Variants in ZNRF3 observed in about 807,000 individuals in gnomAD.
ZNRF3 encodes the protein zinc and ring finger 3.
ZNRF3 carries 23 observed loss-of-function variants against 72.5 expected under a neutral mutation model. The ratio of observed to expected loss-of-function variants is 0.32; its 90% CI spans 0.23 to 0.45. ZNRF3 has a LOEUF of 0.45. Among genes scored for constraint, ZNRF3 ranks in the 20% least tolerant of loss-of-function variants. The probability of loss-of-function intolerance (pLI) is 1.00; values close to 1 mark genes in which losing one functional copy is unlikely to be tolerated. For synonymous variants in ZNRF3, 610 were observed against 545.3 expected (o/e 1.12, Z -1.65); for missense variants, 1,169 against 1,272.1 (o/e 0.92, Z 1.23).
Position 29,030,317 on chromosome 22 carries a change from C to T in ZNRF3, c.427-12178C>T, listed in dbSNP as rs1601687290. Among the ~76,000 whole-genome samples the T allele has an allele frequency of 7.2e-5, 11 of 152,282 alleles. No homozygotes were observed. In the South Asian group the frequency reaches 2.1e-3, roughly 29 times the overall value. Reference sequence around the variant, plus strand: ...AGGGTACCAACCTGTGCAATGGCGCCGCGACCCGGCCGCGGACTCCAGCCT... The same window carrying T: ...AGGGTACCAACCTGTGCAATGGCGCTGCGACCCGGCCGCGGACTCCAGCCT... On this transcript the variant is annotated intron_variant, in intron 2 of 8. Transcript: ENST00000544604. The surrounding 1 kb of genome is among the most constrained non-coding windows in gnomAD (Gnocchi z 4.2).
intron 1 of ZNRF3, among the ~76,000 whole-genome samples, chr22:28,954,990 G>T (rs2035229174): frequency 6.6e-6 from 1 of 150,574 alleles, no homozygotes. Flanking sequence ...AGATATAATG[G>T]CTGATGGCAT....
intron 1 of ZNRF3, among the ~76,000 whole-genome samples, chr22:28,967,356 T>C (rs5762919): frequency 0.1 from 15,236 of 152,196 alleles, 1,171 homozygotes; most frequent in African/African-American, 0.21. Context: ...AGTACGCTAT[T>C]GCATCCAGGT....
rs1186172926 is a variant in ZNRF3, at chr22:29,050,028, C to T, written c.1847C>T (p.Ser616Leu). 5 of 1,609,916 alleles carry T rather than the reference C, an allele frequency of 3.1e-6. No individual in the cohort carries two copies. Among genetic ancestry groups the T allele is most frequent in the East Asian group, 2.2e-5 (1 of 44,844 alleles). Residue 616 changes from serine to leucine, a missense_variant, in exon 8 of 9, where the codon TCG becomes TTG. Coordinates refer to ENST00000544604, the MANE Select transcript of ZNRF3 (RefSeq NM_001206998.2). ...AGTGAGGCGGGGGGCTCGGGCAGCT[C>T]GGGCCGGGGACCTGCCCTGTGCTTC... ...RASEAGGSGS[S>L]GRGPALCFEG... is the part of the protein sequence containing the mutation.
intron 1 of ZNRF3, among the ~76,000 whole-genome samples, chr22:28,927,646 G>A (rs1275338307): frequency 6.6e-6 from 1 of 152,126 alleles, no homozygotes; most frequent in Non-Finnish European, 1.5e-5. Flanking sequence ...CATCATCTTC[G>A]CTGTTGTGAA....
At chr22:28,908,078 T>C (rs576121880) in intron 1 of ZNRF3, among the ~76,000 whole-genome samples, 1 of 152,388 alleles carries the variant, frequency 6.6e-6, no homozygotes, top group African/African-American at 2.4e-5. Flanking sequence ...AGGTCATTTA[T>C]ATTCAACTCT....
At chr22:28,958,113 A>G (rs1387196203) in intron 1 of ZNRF3, among the ~76,000 whole-genome samples, 2 of 152,156 alleles carry the variant, frequency 1.3e-5, no homozygotes, top group Non-Finnish European at 2.9e-5. Flanking sequence ...GCGTGAACCC[A>G]GGAGGCAGAG....
At chr22:29,016,416 C>T (rs917479197) in intron 2 of ZNRF3, among the ~76,000 whole-genome samples, 1 of 123,750 alleles carries the variant, frequency 8.1e-6, no homozygotes, top group African/African-American at 2.7e-5. Flanking sequence ...TTCTAGAACC[C>T]ACTTCCTTTG....
intron 2 of ZNRF3, among the ~76,000 whole-genome samples, chr22:29,000,397 C>G (rs76476843): frequency 0.019 from 2,881 of 152,136 alleles, 89 homozygotes; most frequent in African/African-American, 0.066. Flanking sequence ...TTTTTGTTAA[C>G]CTTGGCTTGA....
chr22:28,999,195 A>ATGG lies in ZNRF3; in HGVS notation c.426+12001_426+12003dup, dbSNP rs761028152. On this transcript the variant is annotated intron_variant, in intron 2 of 8. Transcript: ENST00000544604. ...AAAAAAAAAAAAAAATTAGCCAGGCATGGTGGTGGGTGCCTGTAATCCCAG... is the reference window on the plus strand; with the variant it reads ...AAAAAAAAAAAAAAATTAGCCAGGCATGGTGGTGGTGGGTGCCTGTAATCCCAG... Among the ~76,000 whole-genome samples, 14 of 150,572 alleles carry ATGG rather than the reference A, an allele frequency of 9.3e-5. No homozygotes were observed. In the East Asian group the frequency reaches 2.5e-3, roughly 27 times the overall value.
intron 1 of ZNRF3, among the ~76,000 whole-genome samples, chr22:28,903,728 G>A (rs1014972220): frequency 6.6e-6 from 1 of 152,004 alleles, no homozygotes; most frequent in Non-Finnish European, 1.5e-5. Flanking sequence ...TGTGTTTTTT[G>A]TGTGTTTTCC....
intron 1 of ZNRF3, among the ~76,000 whole-genome samples, chr22:28,919,769 A>T (rs2034476862): frequency 1.3e-5 from 2 of 151,396 alleles, no homozygotes; most frequent in South Asian, 4.2e-4. Flanking sequence ...AGCCTCCCAA[A>T]GTGCTGGGCT....
chr22:28,897,616 G>A (rs1035428001), intron 1 of ZNRF3, among the ~76,000 whole-genome samples: 4 of 151,978 alleles, frequency 2.6e-5, no homozygotes, highest in South Asian at 2.1e-4. Flanking sequence ...CACCGCACCT[G>A]GCCTGTGCCT....
chr22:28,999,918 G>T (rs558399033), intron 2 of ZNRF3, among the ~76,000 whole-genome samples: 1 of 152,318 alleles, frequency 6.6e-6, no homozygotes, highest in South Asian at 2.1e-4. Context: ...GTGAGCCTTG[G>T]TCACAAGACC....
chr22:29,021,198 C>T (rs74815045), intron 2 of ZNRF3, among the ~76,000 whole-genome samples: 6,534 of 151,790 alleles, frequency 0.043, 271 homozygotes, highest in African/African-American at 0.11. Flanking sequence ...TGTGCCATCG[C>T]ACTCCAGCTG....
At chr22:29,040,809 G>C (rs563837637) in intron 2 of ZNRF3, among the ~76,000 whole-genome samples, 2 of 152,348 alleles carry the variant, frequency 1.3e-5, no homozygotes, top group East Asian at 3.9e-4. Flanking sequence ...TTTTGGTACT[G>C]TTTGGTGCTA....
At chr22:28,910,309 G>A (rs2034293690) in intron 1 of ZNRF3, among the ~76,000 whole-genome samples, 1 of 152,174 alleles carries the variant, frequency 6.6e-6, no homozygotes, top group Non-Finnish European at 1.5e-5. Flanking sequence ...TCAAAGTGCT[G>A]GGATTACAGG....
intron 1 of ZNRF3, among the ~76,000 whole-genome samples, chr22:28,918,029 G>T (rs1472038984): frequency 6.6e-6 from 1 of 152,216 alleles, no homozygotes. Context: ...GCCTGGGAGG[G>T]TATTTATAAC....
rs917370335 is a variant in ZNRF3, at chr22:28,883,859, G to T, written c.93G>T (p.Leu31=). ...CCCGCGGCCTCCGGTGCAGCCGCCT[G>T]CCGCCGCCGCCGCCGCTGCCGCTGC... is the stretch of plus-strand genomic sequence containing the variant. ...RRPRGLRCSR[L]PPPPPLPLLL... Residue 31 remains leucine (L), a synonymous_variant, in exon 1 of 9, where the codon CTG becomes CTT. Transcript: ENST00000544604. The surrounding 1 kb of genome is among the most constrained non-coding windows in gnomAD (Gnocchi z 5.5). The T allele has an allele frequency of 6.4e-5, 63 of 988,910 alleles. No homozygotes were observed. The highest frequency in any genetic ancestry group is 7.2e-6 in the Non-Finnish European group (6 of 834,788). The allele number at this position is 988,910 out of a possible 1,614,324, so 61.3% of individuals were successfully genotyped here. A position where few individuals can be genotyped will look rare whatever the true frequency, so the allele number is the denominator to read the frequency against.
chr22:28,962,282 C>T (rs1382518608), intron 1 of ZNRF3, among the ~76,000 whole-genome samples: 1 of 152,220 alleles, frequency 6.6e-6, no homozygotes, highest in African/African-American at 2.4e-5. Flanking sequence ...AAGCTGCTGT[C>T]TCAGCTAAGT....
Sources: allele counts gnomAD v4.1 joint callset (sites outside exome capture counted in the v4.1 genomes callset), GRCh38; gene constraint gnomAD v4.1.1; non-coding constraint Gnocchi (gnomAD v3.1); transcripts MANE v1.5; gene names NCBI Gene and HGNC (gene_info 2026-07-23, HGNC 2026-07-21).